ARAP1: variants seen among roughly 807,000 people sequenced by gnomAD.
ARAP1 encodes arf-GAP with Rho-GAP domain, ANK repeat and PH domain-containing protein 1.
Under a neutral mutation model 172.2 loss-of-function variants are expected in ARAP1, and 76 were observed. The ratio of observed to expected loss-of-function variants is 0.44; its 90% CI spans 0.37 to 0.53. The LOEUF is 0.53. ARAP1 is among the 20% of genes least tolerant of loss of function. The pLI, the probability that ARAP1 is intolerant of heterozygous loss-of-function variation, is 0.00. For missense variants in ARAP1, 1,686 were observed against 1,977.5 expected, an observed-to-expected ratio of 0.85 and a Z score of 2.80; for synonymous variants, 804 against 803.3, an observed-to-expected ratio of 1.00 and a Z score of -0.01.
At chr11:72,708,504 A>T (rs11235575) in intron 11 of ARAP1, 50,367 of 167,988 alleles carry the variant, frequency 0.3, 9,850 homozygotes, top group Non-Finnish European at 0.42. Context: ...GTAGTTAAGG[A>T]CTATGGCAAA....
chr11:72,687,612 G>A, intron 32 of ARAP1, 76 bp downstream of exon 32: 1 of 1,612,618 alleles, frequency 6.2e-7, no homozygotes, highest in Non-Finnish European at 8.5e-7. Context: ...TCTGGGCAGT[G>A]ATGAGGGACA....
chr11:72,692,657 T>G (rs1855988276), intron 30 of ARAP1, 96 bp downstream of exon 30: 2 of 1,513,484 alleles, frequency 1.3e-6, no homozygotes, highest in South Asian at 2.2e-5. Context: ...TGCCTGGAGA[T>G]GGCCAGGAGC....
intron 30 of ARAP1, among the ~76,000 whole-genome samples, chr11:72,689,840 G>A (rs115241021): frequency 2.4e-3 from 366 of 152,250 alleles, no homozygotes; most frequent in African/African-American, 8.3e-3. Flanking sequence ...GAGGAAATTA[G>A]GCAGGCGGGA....
At chr11:72,731,233 C>A (rs146052957) in intron 2 of ARAP1, among the ~76,000 whole-genome samples, 2 of 152,216 alleles carry the variant, frequency 1.3e-5, no homozygotes, top group Non-Finnish European at 2.9e-5. Context: ...AATTTAAGTG[C>A]CCTCTGATAT....
chr11:72,703,490 T>G, intron 14 of ARAP1: 1 of 166,156 alleles, frequency 6.0e-6, no homozygotes, highest in Non-Finnish European at 1.3e-5. Flanking sequence ...CCAATGGGAG[T>G]TGCCGCCCTC....
intron 2 of ARAP1, among the ~76,000 whole-genome samples, chr11:72,729,244 T>C (rs919974094): frequency 3.3e-5 from 5 of 152,178 alleles, no homozygotes; most frequent in Non-Finnish European, 5.9e-5. Context: ...TGTGGATCCC[T>C]ATCTCACACT....
At chr11:72,714,671 C>G (rs1857197541) in intron 3 of ARAP1, among the ~76,000 whole-genome samples, 1 of 152,094 alleles carries the variant, frequency 6.6e-6, no homozygotes, top group Non-Finnish European at 1.5e-5. Flanking sequence ...GATGCTTGAC[C>G]TGAGCTTTTA....
Position 72,726,823 on chromosome 11 carries a change from C to T in ARAP1, c.306G>A (p.Leu102=), listed in dbSNP as rs751178070. The T allele has an allele frequency of 2.9e-5, 46 of 1,566,298 alleles. No homozygotes were observed. The highest frequency in any genetic ancestry group is 2.8e-4 in the Admixed American group (15 of 53,046). ...GCCCCTCATCCTCTGTAGTGGTGGG[C>T]AGCGGCTCGGGTGGAGTGGCAGGCA... ...PPVPATPPEP[L]PTTTEDEGLP... Residue 102 remains leucine (L), a synonymous_variant, in exon 3 of 35, where the codon CTG becomes CTA. Transcript: ENST00000393609. The surrounding 1 kb of genome is among the most constrained non-coding windows in gnomAD (Gnocchi z 6.5).
At chr11:72,744,162 G>C (rs2886366) in intron 1 of ARAP1, among the ~76,000 whole-genome samples, 26,306 of 150,478 alleles carry the variant, frequency 0.17, 3,451 homozygotes, top group African/African-American at 0.38. Context: ...GTGACTGTGT[G>C]TGTCACCATC....
At chr11:72,686,015 T>G in intron 34 of ARAP1, 27 bp downstream of exon 34, 1 of 1,613,848 alleles carries the variant, frequency 6.2e-7, no homozygotes, top group East Asian at 2.2e-5. Flanking sequence ...CCCAGCCCCC[T>G]GCCCAAAGGC....
chr11:72,745,355 A>ATTTTTTTTTTTTT (rs35656290), intron 1 of ARAP1, among the ~76,000 whole-genome samples: 10 of 110,744 alleles, frequency 9.0e-5, no homozygotes, highest in Non-Finnish European at 1.1e-4. Flanking sequence ...CGTCCGGCTA[A>ATTTTTTTTTTTTT]TTTTTTTTTT....
chr11:72,751,050 T>C (rs1025816233), intron 1 of ARAP1, among the ~76,000 whole-genome samples: 1 of 152,078 alleles, frequency 6.6e-6, no homozygotes, highest in Non-Finnish European at 1.5e-5. Context: ...GTAGGAGGCT[T>C]GAATGCAAAA....
intron 1 of ARAP1, among the ~76,000 whole-genome samples, chr11:72,735,876 C>T (rs1409656840): frequency 6.6e-5 from 10 of 152,200 alleles, no homozygotes; most frequent in Non-Finnish European, 1.3e-4. Context: ...GAAGCATGAA[C>T]CAGACCTCAG....
chr11:72,740,738 G>A (rs906903635), intron 1 of ARAP1, among the ~76,000 whole-genome samples: 3 of 152,124 alleles, frequency 2.0e-5, no homozygotes, highest in Admixed American at 2.0e-4. Flanking sequence ...CCAGGCACTG[G>A]TGGCCAGCAG....
chr11:72,719,803 T>A (rs966808388), intron 3 of ARAP1, among the ~76,000 whole-genome samples: 1 of 152,122 alleles, frequency 6.6e-6, no homozygotes, highest in Non-Finnish European at 1.5e-5. Context: ...CAGCCCTCCC[T>A]GACTGAGCTG....
intron 1 of ARAP1, among the ~76,000 whole-genome samples, chr11:72,748,519 CAA>C (rs34380924): frequency 2.2e-5 from 3 of 139,190 alleles, no homozygotes; most frequent in Admixed American, 7.2e-5. Flanking sequence ...GACTCCATCT[CAA>C]AAAAAAAAAA....
Position 72,711,018 on chromosome 11 carries a change from C to A in ARAP1, c.1213+3G>T, listed in dbSNP as rs1430347645. The A allele has an allele frequency of 3.7e-6, 6 of 1,614,206 alleles. No individual in the cohort carries two copies. The highest frequency in any genetic ancestry group is 2.2e-5 in the South Asian group (2 of 91,088). ...CACACACACAACACCCCACACTCCC[C>A]ACCATCACTCTCTGCCCGGAAGGCA... On this transcript the variant is annotated splice_donor_region_variant and intron_variant, in intron 9 of 34. Transcript: ENST00000393609.
rs1376750674 is a variant in ARAP1, at chr11:72,726,942, C to A, written c.187G>T (p.Gly63Cys). 3 of 1,597,864 alleles carry A rather than the reference C, an allele frequency of 1.9e-6. No individual in the cohort carries two copies. The highest frequency in any genetic ancestry group is 2.3e-5 in the South Asian group (2 of 88,636). Reference sequence around the variant, plus strand: ...GGTGAGGTATGGGCACGGAGCAGGCCAGCCAGGATGCGGCGGCGGTGACCA... The same window carrying A: ...GGTGAGGTATGGGCACGGAGCAGGCAAGCCAGGATGCGGCGGCGGTGACCA... ...LPGHRRRILA[G>C]LLRAHTSPAP... The change falls in exon 3 of 35, where the codon GGC becomes TGC. Residue 63 changes from glycine to cysteine, a missense_variant. This residue lies in a region of ARAP1 where 190 missense variants were observed against 228.6 expected (regional missense o/e 0.83). Coordinates refer to ENST00000393609, the MANE Select transcript of ARAP1 (RefSeq NM_001040118.3). This position sits in a 1 kb window ranked among gnomAD's most constrained non-coding sequence, Gnocchi z 6.5.
Position 72,693,091 on chromosome 11 carries a change from G to C in ARAP1, c.3954+234C>G, listed in dbSNP as rs1856009979. 3.0e-6 allele frequency: 2 copies of C among 658,624 alleles called. No individual in the cohort carries two copies. Among genetic ancestry groups the C allele is most frequent in the African/African-American group, 3.6e-5 (2 of 55,094 alleles). The allele number at this position is 658,624 out of a possible 1,614,324, so 40.8% of individuals were successfully genotyped here. The stretch of plus-strand genomic sequence containing the variant: ...CACAGTGAGACAGAGCATGGGCATG[G>C]AGTGGTGTGATGGCATCCGGGTGCC... On this transcript the variant is annotated intron_variant, in intron 29 of 34. Coordinates refer to ENST00000393609, the MANE Select transcript of ARAP1 (RefSeq NM_001040118.3). This position sits in a 1 kb window ranked among gnomAD's most constrained non-coding sequence, Gnocchi z 4.6.
Sources: allele counts gnomAD v4.1 joint callset (sites outside exome capture counted in the v4.1 genomes callset), GRCh38; gene constraint gnomAD v4.1.1; regional missense constraint gnomAD v4.1.1; non-coding constraint Gnocchi (gnomAD v3.1); transcripts MANE v1.5; gene names NCBI Gene and HGNC (gene_info 2026-07-23, HGNC 2026-07-21).